Variants in SUPT3H observed in about 807,000 individuals in gnomAD.
The protein encoded by SUPT3H is transcription initiation protein SPT3 homolog.
A neutral mutation model predicts 44.3 loss-of-function variants in SUPT3H; 44 were observed. That is an observed-to-expected ratio of 0.99 (90% CI 0.78 to 1.28). The LOEUF is 1.28. Ranked by LOEUF, SUPT3H falls within the 50% of genes most tolerant of loss-of-function variation. SUPT3H has a pLI of 0.00. For synonymous variants in SUPT3H, 124 were observed against 125.6 expected, an observed-to-expected ratio of 0.99 and a Z score of 0.09; for missense variants, 380 against 387.1, an observed-to-expected ratio of 0.98 and a Z score of 0.15.
chr6:45,062,135 C>G (rs1033989608), intron 3 of SUPT3H, among the ~76,000 whole-genome samples: 2 of 151,652 alleles, frequency 1.3e-5, no homozygotes, highest in African/African-American at 4.9e-5. Flanking sequence ...TCTGATATGG[C>G]AAAGGATACA....
intron 2 of SUPT3H, among the ~76,000 whole-genome samples, chr6:45,354,380 A>G (rs112922549): frequency 0.021 from 3,185 of 152,320 alleles, 116 homozygotes; most frequent in African/African-American, 0.072. Flanking sequence ...ATGACTAAAA[A>G]TTACTAAGAA....
intron 10 of SUPT3H, among the ~76,000 whole-genome samples, chr6:44,896,137 C>T (rs1241269847): frequency 6.6e-6 from 1 of 151,930 alleles, no homozygotes; most frequent in Non-Finnish European, 1.5e-5. Context: ...CTGTGCTAGT[C>T]AATTAGTATT....
intron 2 of SUPT3H, among the ~76,000 whole-genome samples, chr6:45,359,594 CA>C (rs1400436629): frequency 1.3e-5 from 2 of 151,822 alleles, no homozygotes; most frequent in Admixed American, 1.3e-4. Context: ...CATTTGTATC[CA>C]AAATTATGAA....
intron 2 of SUPT3H, among the ~76,000 whole-genome samples, chr6:45,126,627 CA>C (rs1205627619): frequency 6.6e-6 from 1 of 152,020 alleles, no homozygotes; most frequent in Non-Finnish European, 1.5e-5. Context: ...AGGGTTCCCC[CA>C]AAAGATATGA....
chr6:45,138,407 T>G (rs1804652878), intron 2 of SUPT3H, among the ~76,000 whole-genome samples: 1 of 152,118 alleles, frequency 6.6e-6, no homozygotes, highest in African/African-American at 2.4e-5. Context: ...GAATGCAGAT[T>G]TTCACAGCTA....
At chr6:45,250,405 A>T (rs1433486468) in intron 2 of SUPT3H, among the ~76,000 whole-genome samples, 1 of 151,970 alleles carries the variant, frequency 6.6e-6, no homozygotes, top group Admixed American at 6.6e-5. Flanking sequence ...AAGACAATAA[A>T]AAAAGCTCTT....
At chr6:45,331,124 TGTGC>T (rs59491932) in intron 2 of SUPT3H, among the ~76,000 whole-genome samples, 2,396 of 150,750 alleles carry the variant, frequency 0.016, 67 homozygotes, top group African/African-American at 0.056. Flanking sequence ...TGTGTGTGTG[TGTGC>T]GCGCGCGCGC....
chr6:44,817,100 ATACATATT>A (rs1469010950), intron 11 of SUPT3H, among the ~76,000 whole-genome samples: 1 of 57,516 alleles, frequency 1.7e-5, no homozygotes, highest in African/African-American at 4.4e-5. Flanking sequence ...AAATATACAC[ATACATATT>A]CACACACACA....
At chr6:45,251,382 AAG>A (rs1488747061) in intron 2 of SUPT3H, among the ~76,000 whole-genome samples, 2 of 141,264 alleles carry the variant, frequency 1.4e-5, no homozygotes, top group Non-Finnish European at 3.0e-5. Flanking sequence ...CTAAATGACT[AAG>A]AAGAGAAGCT....
intron 2 of SUPT3H, among the ~76,000 whole-genome samples, chr6:45,155,434 C>A (rs561289470): frequency 6.6e-6 from 1 of 152,072 alleles, no homozygotes; most frequent in Non-Finnish European, 1.5e-5. Flanking sequence ...GCAGCAGTGA[C>A]GGTCAAAGAA....
chr6:44,827,098 T>C lies in SUPT3H; in HGVS notation c.*2718A>G, dbSNP rs745496116. ...TCTAGGAAGCAGTATCAAGAGACGCTATTTATTTATTGGCTTATTTATTTT... is the reference window on the plus strand; with the variant it reads ...TCTAGGAAGCAGTATCAAGAGACGCCATTTATTTATTGGCTTATTTATTTT... On this transcript the variant is annotated 3_prime_UTR_variant, in exon 11 of 11. Transcript: ENST00000371459. 6.6e-5 allele frequency among the ~76,000 whole-genome samples: 10 copies of C among 152,132 alleles called. No homozygotes were observed. The highest frequency in any genetic ancestry group is 2.6e-4 in the Admixed American group (4 of 15,268).
intron 3 of SUPT3H, among the ~76,000 whole-genome samples, chr6:45,057,134 TAGA>T (rs1791254324): frequency 6.6e-6 from 1 of 152,168 alleles, no homozygotes; most frequent in African/African-American, 2.4e-5. Flanking sequence ...TAGGTAAACA[TAGA>T]AGTTCACCCT....
At chr6:44,830,996 T>TA (rs1218784328) in intron 10 of SUPT3H, among the ~76,000 whole-genome samples, 1 of 152,164 alleles carries the variant, frequency 6.6e-6, no homozygotes, top group Non-Finnish European at 1.5e-5. Flanking sequence ...TTAATTATAC[T>TA]AAAAATGGAA....
intron 2 of SUPT3H, among the ~76,000 whole-genome samples, chr6:45,343,959 T>G (rs1320769934): frequency 6.6e-6 from 1 of 152,224 alleles, no homozygotes; most frequent in Non-Finnish European, 1.5e-5. Context: ...TATTCTATAC[T>G]AGTTGTTTAC....
intron 3 of SUPT3H, among the ~76,000 whole-genome samples, chr6:45,065,796 G>T (rs1309108833): frequency 2.6e-5 from 4 of 151,642 alleles, no homozygotes; most frequent in Admixed American, 6.6e-5. Context: ...AATAACAGGA[G>T]CTGAAATTAT....
intron 2 of SUPT3H, among the ~76,000 whole-genome samples, chr6:45,223,195 A>C (rs530428132): frequency 2.0e-5 from 3 of 152,022 alleles, no homozygotes; most frequent in Non-Finnish European, 2.9e-5. Context: ...ACAAACACAC[A>C]AGTTCAAGTG....
chr6:45,061,700 T>G (rs897118271), intron 3 of SUPT3H, among the ~76,000 whole-genome samples: 1 of 144,508 alleles, frequency 6.9e-6, no homozygotes, highest in African/African-American at 2.6e-5. Flanking sequence ...TATAAGCTTT[T>G]GCAATATGTG....
intron 6 of SUPT3H, among the ~76,000 whole-genome samples, chr6:44,990,689 T>A (rs1383873462): frequency 3.3e-5 from 5 of 152,124 alleles, no homozygotes; most frequent in African/African-American, 1.2e-4. Context: ...TCTTCATCCA[T>A]TCATCTCTCT....
At chr6:45,271,936 C>T (rs1776253153) in intron 2 of SUPT3H, among the ~76,000 whole-genome samples, 1 of 152,208 alleles carries the variant, frequency 6.6e-6, no homozygotes, top group Non-Finnish European at 1.5e-5. Context: ...CATTTTGGAG[C>T]ATTAAGATTT....
Sources: gnomAD v4.1 joint callset for allele counts (sites outside exome capture counted in the v4.1 genomes callset) on GRCh38, gnomAD v4.1.1 for gene constraint, MANE v1.5 for transcripts, NCBI Gene and HGNC (gene_info 2026-07-23, HGNC 2026-07-21) for gene names.